RAB3C: variants seen among roughly 807,000 people sequenced by gnomAD.
RAB3C encodes the protein RAB3C, member RAS oncogene family, also known as ras-related protein Rab-3C.
Under a neutral mutation model 26.4 loss-of-function variants are expected in RAB3C, and 17 were observed. The observed-to-expected ratio is 0.64, with a 90% CI of 0.44 to 0.97. The LOEUF (loss-of-function observed/expected upper bound fraction) is 0.97. Ranked by LOEUF, RAB3C falls within the 50% of genes least tolerant of loss-of-function variation. The pLI, the probability that RAB3C is intolerant of heterozygous loss-of-function variation, is 0.00. For missense variants in RAB3C, 242 were observed against 281.9 expected (o/e 0.86, Z 1.01); for synonymous variants, 91 against 95.9 (o/e 0.95, Z 0.30).
intron 2 of RAB3C, among the ~76,000 whole-genome samples, chr5:58,698,463 T>C (rs994543354): frequency 6.6e-6 from 1 of 152,310 alleles, no homozygotes; most frequent in South Asian, 2.1e-4. Context: ...TGAATTTGAA[T>C]GTTGGCTTTG....
At chr5:58,636,880 A>G (rs942714373) in intron 2 of RAB3C, among the ~76,000 whole-genome samples, 1 of 152,192 alleles carries the variant, frequency 6.6e-6, no homozygotes, top group Non-Finnish European at 1.5e-5. Flanking sequence ...AAGTTCCTGC[A>G]TTTGTAAAAT....
intron 2 of RAB3C, among the ~76,000 whole-genome samples, chr5:58,699,228 G>C (rs1045426917): frequency 9.2e-5 from 14 of 152,202 alleles, no homozygotes; most frequent in African/African-American, 3.4e-4. Context: ...TTCCACTCCA[G>C]ACCCTGTTTG....
intron 2 of RAB3C, among the ~76,000 whole-genome samples, chr5:58,639,010 C>G (rs1747351839): frequency 1.3e-5 from 2 of 152,204 alleles, no homozygotes; most frequent in Non-Finnish European, 2.9e-5. Flanking sequence ...TCTACACTTG[C>G]AAGTGTGGCC....
intron 2 of RAB3C, among the ~76,000 whole-genome samples, chr5:58,677,976 T>TGTGTGTGTG (rs1748261340): frequency 2.0e-5 from 3 of 147,782 alleles, no homozygotes; most frequent in African/African-American, 7.5e-5. Context: ...CTAGATTATT[T>TGTGTGTGTG]TGTGTGTGTG....
intron 1 of RAB3C, among the ~76,000 whole-genome samples, chr5:58,611,280 T>C (rs921779301): frequency 5.2e-4 from 79 of 152,212 alleles, no homozygotes; most frequent in African/African-American, 1.8e-3. Context: ...GGCATTTCTG[T>C]TTTTAGGTCT....
chr5:58,641,257 T>C (rs188463960), intron 2 of RAB3C, among the ~76,000 whole-genome samples: 2 of 152,254 alleles, frequency 1.3e-5, no homozygotes, highest in African/African-American at 2.4e-5. Context: ...AAATGTGGTA[T>C]TTAAGGAACA....
rs1249485619 is a variant in RAB3C, at chr5:58,596,536, TATATA to T, written c.24+13308_24+13312del. On this transcript the variant is annotated intron_variant, in intron 1 of 4. Transcript: ENST00000282878. ...CTATATAATACATATTATATATAAATATATAATACTATATAATACATATATTATAT... is the reference window on the plus strand; with the variant it reads ...CTATATAATACATATTATATATAAATATACTATATAATACATATATTATAT... Among the ~76,000 whole-genome samples, 6 of 127,828 alleles carry T rather than the reference TATATA, an allele frequency of 4.7e-5. No homozygotes were observed. In the South Asian group the frequency reaches 9.1e-4, roughly 19 times the overall value. The allele number at this position is 127,828 out of a possible 152,430, so 83.9% of individuals were successfully genotyped here. A position where few individuals can be genotyped will look rare whatever the true frequency, so the allele number is the denominator to read the frequency against.
In RAB3C at chr5:58,592,289, C is replaced by T. The variant is rs189778328; in HGVS notation, c.24+9057C>T. On this transcript the variant is annotated intron_variant, in intron 1 of 4. Coordinates refer to ENST00000282878, the MANE Select transcript of RAB3C (RefSeq NM_138453.4). ...ATGCATATTTAACTTATTATACAGT[C>T]TACTTAGAGTTAATATTATATTACT... 2.0e-5 allele frequency among the ~76,000 whole-genome samples: 3 copies of T among 152,058 alleles called. No individual in the cohort carries two copies. In the East Asian group the frequency reaches 5.8e-4, roughly 29 times the overall value.
chr5:58,613,637 T>G (rs1746762914), intron 1 of RAB3C, among the ~76,000 whole-genome samples: 1 of 152,130 alleles, frequency 6.6e-6, no homozygotes, highest in African/African-American at 2.4e-5. Context: ...CCTATGTTCA[T>G]AACAGTTAAT....
At chr5:58,776,868 G>A (rs1308234446) in intron 3 of RAB3C, among the ~76,000 whole-genome samples, 1 of 152,128 alleles carries the variant, frequency 6.6e-6, no homozygotes, top group Non-Finnish European at 1.5e-5. Flanking sequence ...GGGGAAGAGA[G>A]AATGAATAGG....
Position 58,726,058 on chromosome 5 carries a change from C to T in RAB3C, c.309C>T (p.Ala103=), listed in dbSNP as rs1740882768. 1 of 1,607,862 alleles carries T rather than the reference C, an allele frequency of 6.2e-7. No homozygotes were observed. The highest frequency in any genetic ancestry group is 1.7e-5 in the Admixed American group (1 of 59,316). The part of the protein sequence containing the change: ...RTITTAYYRG[A]MGFILMYDIT... ...TCACCACAGCCTATTATCGTGGAGC[C>T]ATGGGCTTTATTTTAATGTATGACA... Residue 103 remains alanine, a synonymous_variant, in exon 3 of 5, where the codon GCC becomes GCT. Coordinates refer to ENST00000282878, the MANE Select transcript of RAB3C (RefSeq NM_138453.4).
chr5:58,612,518 GTGTATA>G (rs1319609186), intron 1 of RAB3C, among the ~76,000 whole-genome samples: 4 of 40,582 alleles, frequency 9.9e-5, no homozygotes, highest in African/African-American at 2.4e-4. Flanking sequence ...GTGTGTGTGT[GTGTATA>G]TATATATATA....
At chr5:58,646,847 T>G (rs957608748) in intron 2 of RAB3C, among the ~76,000 whole-genome samples, 2 of 152,186 alleles carry the variant, frequency 1.3e-5, no homozygotes, top group Non-Finnish European at 2.9e-5. Flanking sequence ...ATTAGGAGTC[T>G]TGCAAATAAT....
At chr5:58,639,418 C>G (rs1013576752) in intron 2 of RAB3C, among the ~76,000 whole-genome samples, 3 of 152,146 alleles carry the variant, frequency 2.0e-5, no homozygotes, top group Admixed American at 6.5e-5. Context: ...GTTCTGAAGG[C>G]TGGGAAGTCC....
chr5:58,828,419 A>T (rs958894872), intron 4 of RAB3C, among the ~76,000 whole-genome samples: 10 of 151,182 alleles, frequency 6.6e-5, no homozygotes, highest in African/African-American at 1.7e-4. Flanking sequence ...TCCTTGGTAG[A>T]CTCCTCCTCC....
At chr5:58,808,180 G>A (rs911118241) in intron 3 of RAB3C, among the ~76,000 whole-genome samples, 4 of 142,126 alleles carry the variant, frequency 2.8e-5, no homozygotes, top group African/African-American at 1.1e-4. Flanking sequence ...AGCAGAGATC[G>A]CTCCACTGCA....
intron 3 of RAB3C, among the ~76,000 whole-genome samples, chr5:58,740,462 G>C (rs1741252262): frequency 6.6e-6 from 1 of 152,124 alleles, no homozygotes; most frequent in African/African-American, 2.4e-5. Context: ...TCCTCATAAA[G>C]TTTATATCCA....
At chr5:58,661,202 A>G (rs1290237131) in intron 2 of RAB3C, among the ~76,000 whole-genome samples, 3 of 150,358 alleles carry the variant, frequency 2.0e-5, no homozygotes, top group African/African-American at 7.6e-5. Context: ...GTCATGTCTC[A>G]TGGGCTTTTC....
intron 3 of RAB3C, among the ~76,000 whole-genome samples, chr5:58,764,988 G>A (rs1005782422): frequency 1.3e-5 from 2 of 151,950 alleles, no homozygotes; most frequent in African/African-American, 4.8e-5. Context: ...TCAGGCACTT[G>A]CTTTTTTAAA....
Sources: allele counts gnomAD v4.1 joint callset (sites outside exome capture counted in the v4.1 genomes callset), GRCh38; gene constraint gnomAD v4.1.1; transcripts MANE v1.5; gene names NCBI Gene and HGNC (gene_info 2026-07-23, HGNC 2026-07-21).